Variants in PCDHGA2 observed in about 807,000 individuals in gnomAD.
PCDHGA2 encodes protocadherin gamma subfamily A, 2.
In PCDHGA2, 40 loss-of-function variants were observed where a neutral mutation model predicts 59.2. The observed-to-expected ratio is 0.68, with a 90% CI of 0.52 to 0.88. The LOEUF is 0.88. Among genes scored for constraint, PCDHGA2 ranks in the 40% least tolerant of loss-of-function variants. The probability of loss-of-function intolerance (pLI) is 0.00; values close to 1 mark genes in which losing one functional copy is unlikely to be tolerated. For synonymous variants in PCDHGA2, 560 were observed against 526.0 expected (o/e 1.06, Z -0.89); for missense variants, 1,226 against 1,204.0 (o/e 1.02, Z -0.27).
chr5:141,356,652 T>C, intron 1 of PCDHGA2: 5 of 1,614,078 alleles, frequency 3.1e-6, no homozygotes, highest in Non-Finnish European at 4.2e-6. Context: ...GTGGTGACAA[T>C]GCCCGAATCA....
chr5:141,366,831 A>G, intron 1 of PCDHGA2: 1 of 1,522,238 alleles, frequency 6.6e-7, no homozygotes, highest in Non-Finnish European at 8.8e-7. Flanking sequence ...ATTCAGAATC[A>G]GCTAGTTATG....
chr5:141,366,788 T>G, intron 1 of PCDHGA2: 1 of 1,571,338 alleles, frequency 6.4e-7, no homozygotes, highest in Non-Finnish European at 8.6e-7. Context: ...ACCAGAACAT[T>G]TTCATTTGTT....
chr5:141,478,509 G>C, intron 1 of PCDHGA2: 1 of 1,611,878 alleles, frequency 6.2e-7, no homozygotes, highest in Non-Finnish European at 8.5e-7. Context: ...GTGTTCTATA[G>C]GCAGGTGTTG....
chr5:141,454,691 C>T (rs745856768), intron 1 of PCDHGA2, among the ~76,000 whole-genome samples: 5 of 152,038 alleles, frequency 3.3e-5, no homozygotes, highest in Non-Finnish European at 5.9e-5. Flanking sequence ...CAGGCATGAG[C>T]CACCATGCTC....
intron 1 of PCDHGA2, chr5:141,408,411 C>T (rs2095101928): frequency 1.2e-6 from 2 of 1,614,034 alleles, no homozygotes; most frequent in African/African-American, 1.3e-5. Context: ...CGAGTGAGCG[C>T]GGAGAAGCTG....
intron 1 of PCDHGA2, chr5:141,398,921 C>A: frequency 6.2e-7 from 1 of 1,613,962 alleles, no homozygotes; most frequent in African/African-American, 1.3e-5. Flanking sequence ...TTGCAAGTGT[C>A]AGCCACTGAC....
intron 1 of PCDHGA2, chr5:141,346,027 C>G: frequency 1.2e-6 from 2 of 1,613,468 alleles, no homozygotes; most frequent in Non-Finnish European, 1.7e-6. Flanking sequence ...GTGGCCGTGG[C>G]CGACAGGATC....
intron 1 of PCDHGA2, among the ~76,000 whole-genome samples, chr5:141,381,247 GA>G (rs1777085183): frequency 6.6e-6 from 1 of 152,240 alleles, no homozygotes; most frequent in Non-Finnish European, 1.5e-5. Flanking sequence ...CCAGGACCTA[GA>G]AGAATTTACA....
At chr5:141,354,824 G>A (rs923189281) in intron 1 of PCDHGA2, among the ~76,000 whole-genome samples, 1 of 152,154 alleles carries the variant, frequency 6.6e-6, no homozygotes, top group Non-Finnish European at 1.5e-5. Context: ...TATTGTACAG[G>A]AAGACTTGGA....
At position 141,361,465 on chromosome 5, in the gene PCDHGA2, G is replaced by A. The variant is rs548966955; in HGVS notation, c.2424+20070G>A. ...CATAATTGTCACCCTGCACATCTCC[G>A]ACGTCAACGATAATGCCCCAGTTTT... On this transcript the variant is annotated intron_variant, in intron 1 of 3. Transcript: ENST00000394576. 2.4e-4 allele frequency: 384 copies of A among 1,613,986 alleles called. 5 individuals carry two copies. The East Asian group carries it at 8.3e-3, about 35-fold the overall frequency.
At chr5:141,366,240 C>T (rs750277167) in intron 1 of PCDHGA2, 11 of 1,613,680 alleles carry the variant, frequency 6.8e-6, no homozygotes, top group African/African-American at 5.3e-5. Flanking sequence ...GACAGAGACG[C>T]GCTCAAGCAG....
chr5:141,379,652 T>C (rs905079980), intron 1 of PCDHGA2: 2 of 152,132 alleles, frequency 1.3e-5, no homozygotes, highest in Non-Finnish European at 2.9e-5. Flanking sequence ...ACTACCAACT[T>C]CTACTCTCAC....
rs1301352900 is a variant in PCDHGA2, at chr5:141,491,765, A to T, written c.2425-3042A>T. ...GGCACTGGAGAAGCCGCCCGTCCTC[A>T]TAAGGGATTGAACTTGCATCCACTC... On this transcript the variant is annotated intron_variant, in intron 1 of 3. Transcript: ENST00000394576. The surrounding 1 kb of genome is among the most constrained non-coding windows in gnomAD (Gnocchi z 6.9). 1.3e-6 allele frequency: 2 copies of T among 1,569,228 alleles called. No individual in the cohort carries two copies. Among genetic ancestry groups the T allele is most frequent in the Non-Finnish European group, 1.7e-6 (2 of 1,158,736 alleles).
chr5:141,369,075 T>C (rs1766014399), intron 1 of PCDHGA2, among the ~76,000 whole-genome samples: 1 of 152,154 alleles, frequency 6.6e-6, no homozygotes, highest in African/African-American at 2.4e-5. Context: ...ATAATTTCTT[T>C]AGGAAGATTT....
chr5:141,441,150 T>C (rs1421773650), intron 1 of PCDHGA2: 4 of 152,122 alleles, frequency 2.6e-5, no homozygotes, highest in African/African-American at 7.2e-5. Context: ...ATAATGACAA[T>C]ATCCTAGAGG....
intron 1 of PCDHGA2, among the ~76,000 whole-genome samples, chr5:141,402,419 A>T: frequency 6.6e-6 from 1 of 152,100 alleles, no homozygotes; most frequent in Middle Eastern, 3.2e-3. Flanking sequence ...ACACAGAAAA[A>T]ATTGAAGCAT....
At chr5:141,345,465 G>A in intron 1 of PCDHGA2, 1 of 1,614,000 alleles carries the variant, frequency 6.2e-7, no homozygotes, top group African/African-American at 1.3e-5. Context: ...GACAGCCCAG[G>A]ACCCAGATAG....
rs751024373 is a variant in PCDHGA2, at chr5:141,491,801, G to T, written c.2425-3006G>T. 1 of 1,500,844 alleles carries T rather than the reference G, an allele frequency of 6.7e-7. No homozygotes were observed. Among genetic ancestry groups the T allele is most frequent in the Non-Finnish European group, 8.9e-7 (1 of 1,125,292 alleles). 93.0% of individuals were successfully genotyped at this position (1,500,844 alleles called of 1,614,324 possible). ...AACTTGCATCCACTCCTCTCCGGCCGGCTTGGTCGCTGGCTGCGCTCCACC... is the reference window on the plus strand; with the variant it reads ...AACTTGCATCCACTCCTCTCCGGCCTGCTTGGTCGCTGGCTGCGCTCCACC... On this transcript the variant is annotated intron_variant, in intron 1 of 3. Transcript: ENST00000394576. This position sits in a 1 kb window ranked among gnomAD's most constrained non-coding sequence, Gnocchi z 6.9.
chr5:141,387,840 C>T, intron 1 of PCDHGA2: 2 of 1,597,864 alleles, frequency 1.3e-6, no homozygotes, highest in Non-Finnish European at 1.7e-6. Context: ...TTATTTGTAA[C>T]CCGGCGTCTC....
Sources: gnomAD v4.1 joint callset for allele counts (sites outside exome capture counted in the v4.1 genomes callset) on GRCh38, gnomAD v4.1.1 for gene constraint, Gnocchi (gnomAD v3.1) non-coding constraint, MANE v1.5 for transcripts, NCBI Gene and HGNC (gene_info 2026-07-23, HGNC 2026-07-21) for gene names.